The following ZNF69 variants were observed in gnomAD, a reference collection of about 807,000 sequenced individuals.
The protein encoded by ZNF69 is ZNF3.
Under a neutral mutation model 50.9 loss-of-function variants are expected in ZNF69, and 47 were observed. The observed-to-expected ratio is 0.92, with a 90% CI of 0.73 to 1.18. The LOEUF is 1.18. Among genes scored for constraint, ZNF69 ranks in the 50% most tolerant of loss-of-function variants. ZNF69 has a pLI of 0.00. For missense variants in ZNF69, 717 were observed against 675.1 expected, an observed-to-expected ratio of 1.06 and a Z score of -0.69; for synonymous variants, 216 against 223.1, an observed-to-expected ratio of 0.97 and a Z score of 0.29.
At chr19:11,912,220 C>T (rs201779609) in intron 4 of ZNF69, among the ~76,000 whole-genome samples, 35 of 152,234 alleles carry the variant, frequency 2.3e-4, no homozygotes, top group South Asian at 6.2e-4. Context: ...TGTGGGAAAG[C>T]GTTCCATAAT....
chr19:11,922,882 A>AGCT, the ZNF69 span, among the ~76,000 whole-genome samples: 1 of 150,938 alleles, frequency 6.6e-6, no homozygotes, highest in Non-Finnish European at 1.5e-5. Flanking sequence ...ACCTGATCAC[A>AGCT]GCTCACAGCA....
At chr19:11,899,419 T>A (rs1972196902) in intron 1 of ZNF69, among the ~76,000 whole-genome samples, 2 of 152,182 alleles carry the variant, frequency 1.3e-5, no homozygotes, top group Admixed American at 6.5e-5. Flanking sequence ...TGAGCCACCA[T>A]GTCCGGCCAC....
intron 4 of ZNF69, among the ~76,000 whole-genome samples, chr19:11,912,532 G>A (rs1418172819): frequency 6.6e-6 from 1 of 152,060 alleles, no homozygotes; most frequent in African/African-American, 2.4e-5. Flanking sequence ...AACCCTATCA[G>A]TGTAAGCAAT....
At chr19:11,949,119 G>T in the ZNF69 span, 33 of 1,611,096 alleles carry the variant, frequency 2.0e-5, no homozygotes, top group Middle Eastern at 1.7e-4. Context: ...ATAAATGTAA[G>T]ATATGTGGGA....
chr19:11,941,979 T>C, the ZNF69 span, among the ~76,000 whole-genome samples: 2 of 156 alleles, frequency 0.013, no homozygotes, highest in Admixed American at 0.062. Flanking sequence ...CTGTGCTTAT[T>C]ACACCTGGTA....
At chr19:11,898,008 A>C (rs1262662817) in intron 1 of ZNF69, among the ~76,000 whole-genome samples, 1 of 152,208 alleles carries the variant, frequency 6.6e-6, no homozygotes, top group Non-Finnish European at 1.5e-5. Flanking sequence ...TAGAGTGTGC[A>C]TTCTAGAATC....
chr19:11,897,587 A>T (rs887730279), intron 1 of ZNF69, among the ~76,000 whole-genome samples: 11 of 151,390 alleles, frequency 7.3e-5, no homozygotes, highest in Non-Finnish European at 1.5e-4. Flanking sequence ...AAAAAAAAAA[A>T]AAGAGTCAGG....
chr19:11,977,013 C>T, the ZNF69 span: 1 of 1,613,744 alleles, frequency 6.2e-7, no homozygotes, highest in African/African-American at 1.3e-5. Flanking sequence ...CACCCAGCCT[C>T]CTCTACACAT....
intron 1 of ZNF69, among the ~76,000 whole-genome samples, chr19:11,902,077 G>A (rs1599354627): frequency 1.3e-5 from 2 of 150,584 alleles, no homozygotes; most frequent in Admixed American, 1.3e-4. Flanking sequence ...CTGCCTCCCG[G>A]GTTCAAGCAA....
intron 1 of ZNF69, among the ~76,000 whole-genome samples, chr19:11,888,976 AAAAC>A (rs1368483639): frequency 2.6e-5 from 4 of 152,092 alleles, no homozygotes; most frequent in African/African-American, 9.7e-5. Context: ...TCTCAAAACA[AAAAC>A]AAAAACAAAA....
the ZNF69 span, among the ~76,000 whole-genome samples, chr19:11,971,049 C>T: frequency 3.3e-5 from 5 of 152,304 alleles, no homozygotes; most frequent in African/African-American, 1.2e-4. Flanking sequence ...GTGTAGAGTT[C>T]AAAGCTGCAG....
the ZNF69 span, chr19:11,980,144 C>G: frequency 1.3e-6 from 1 of 754,212 alleles, no homozygotes; most frequent in Non-Finnish European, 2.1e-6. Context: ...TGGATAGAAA[C>G]CAAAGCAGGT....
At chr19:11,918,583 G>C (rs1972541018), downstream of ZNF69, among the ~76,000 whole-genome samples, 1 of 151,934 alleles carries the variant, frequency 6.6e-6, no homozygotes, top group Non-Finnish European at 1.5e-5. Context: ...TCCTGGGCTT[G>C]AGCAATCCTC....
chr19:11,939,095 TGTTTAA>T, the ZNF69 span, among the ~76,000 whole-genome samples: 5 of 152,248 alleles, frequency 3.3e-5, no homozygotes, highest in Non-Finnish European at 5.9e-5. Flanking sequence ...CTTGTAAATT[TGTTTAA>T]GTTCTTTGTA....
chr19:11,917,203 T>A (rs961607303), downstream of ZNF69, among the ~76,000 whole-genome samples: 7 of 152,216 alleles, frequency 4.6e-5, no homozygotes, highest in African/African-American at 1.7e-4. Flanking sequence ...GTTACATAAC[T>A]GCTTAGTGCT....
chr19:11,949,864 C>T, the ZNF69 span: 1 of 1,614,096 alleles, frequency 6.2e-7, no homozygotes, highest in Non-Finnish European at 8.5e-7. Context: ...TGGTAGGACT[C>T]ACACTGGAGA....
the ZNF69 span, among the ~76,000 whole-genome samples, chr19:11,962,339 A>G: frequency 6.6e-6 from 1 of 152,190 alleles, no homozygotes; most frequent in African/African-American, 2.4e-5. Flanking sequence ...ACCTGCTGGA[A>G]AGCATTATAT....
At position 11,905,302 on chromosome 19, in the gene ZNF69, AG is replaced by A. The variant is rs771760957; in HGVS notation, c.907del (p.Ala303LeufsTer49). 17 of 1,614,132 alleles carry A rather than the reference AG, an allele frequency of 1.1e-5. No individual in the cohort carries two copies. In the South Asian group the frequency reaches 1.1e-4, roughly 10 times the overall value. On this transcript the variant is annotated frameshift_variant, in exon 4 of 4. Coordinates refer to ENST00000429654, the MANE Select transcript of ZNF69 (RefSeq NM_001364730.1). LOFTEE classifies it high-confidence loss of function. ...RRHERIHTGE[K>X]AYQCKECGKA... ...CATGAAAGGATTCACACGGGAGAGA[AG>A]GCTTATCAATGTAAGGAATGTGGAA...
chr19:11,942,562 G>A, the ZNF69 span, among the ~76,000 whole-genome samples: 1,444 of 152,186 alleles, frequency 9.5e-3, 20 homozygotes, highest in African/African-American at 0.033. Context: ...CTTAAAAACC[G>A]AGCTCCCAGA....
Sources: allele counts gnomAD v4.1 joint callset (sites outside exome capture counted in the v4.1 genomes callset), GRCh38; gene constraint gnomAD v4.1.1; transcripts MANE v1.5; gene names NCBI Gene and HGNC (gene_info 2026-07-23, HGNC 2026-07-21).